Variants in DLG2 observed in about 807,000 individuals in gnomAD.
DLG2 encodes disks large homolog 2.
A neutral mutation model predicts 132.5 loss-of-function variants in DLG2; 45 were observed. That is an observed-to-expected ratio of 0.34 (90% CI 0.27 to 0.44). DLG2 has a LOEUF of 0.44. DLG2 is among the 20% of genes least tolerant of loss of function. The pLI, the probability that DLG2 is intolerant of heterozygous loss-of-function variation, is 1.00. For missense variants in DLG2, 1,045 were observed against 1,196.9 expected (o/e 0.87, Z 1.87); for synonymous variants, 424 against 419.6 (o/e 1.01, Z -0.13).
chr11:84,993,768 G>C (rs537649325), intron 6 of DLG2, among the ~76,000 whole-genome samples: 2 of 152,102 alleles, frequency 1.3e-5, no homozygotes, highest in East Asian at 3.9e-4. Context: ...AGCTAATCAG[G>C]GCCAAGTCCC....
At chr11:84,016,229 AT>A (rs1200882485) in intron 11 of DLG2, among the ~76,000 whole-genome samples, 1 of 151,430 alleles carries the variant, frequency 6.6e-6, no homozygotes, top group Non-Finnish European at 1.5e-5. Flanking sequence ...TAATGTGGTT[AT>A]TTTTTTCGTG....
intron 11 of DLG2, among the ~76,000 whole-genome samples, chr11:84,000,019 C>G (rs1320888558): frequency 6.7e-6 from 1 of 149,248 alleles, no homozygotes; most frequent in African/African-American, 2.5e-5. Context: ...TAACAGATCC[C>G]AAGCAAAAAG....
At chr11:83,841,390 TTCTA>T (rs1296061076) in intron 16 of DLG2, among the ~76,000 whole-genome samples, 1 of 152,214 alleles carries the variant, frequency 6.6e-6, no homozygotes, top group Non-Finnish European at 1.5e-5. Context: ...TGGAACAAAA[TTCTA>T]TCTCTCATTT....
At chr11:83,740,913 A>G (rs2092452073) in intron 18 of DLG2, among the ~76,000 whole-genome samples, 2 of 152,192 alleles carry the variant, frequency 1.3e-5, no homozygotes, top group South Asian at 4.1e-4. Flanking sequence ...TCAACAAAAT[A>G]CTAGCAAATC....
At chr11:85,207,816 T>A (rs2082002685) in intron 4 of DLG2, among the ~76,000 whole-genome samples, 1 of 151,980 alleles carries the variant, frequency 6.6e-6, no homozygotes, top group South Asian at 2.1e-4. Flanking sequence ...CCCACTCATC[T>A]ATCTCTCCAG....
At chr11:84,662,937 C>G (rs1361267313) in intron 6 of DLG2, among the ~76,000 whole-genome samples, 2 of 152,008 alleles carry the variant, frequency 1.3e-5, no homozygotes, top group African/African-American at 2.4e-5. Context: ...TCTGAGCCAG[C>G]CTACTCAGTT....
intron 7 of DLG2, among the ~76,000 whole-genome samples, chr11:84,515,033 G>T (rs2099268381): frequency 6.6e-6 from 1 of 151,482 alleles, no homozygotes; most frequent in African/African-American, 2.4e-5. Flanking sequence ...TAATTAGAAA[G>T]CAAAAACATG....
intron 18 of DLG2, among the ~76,000 whole-genome samples, chr11:83,725,703 G>A (rs1198577530): frequency 6.6e-6 from 1 of 152,168 alleles, no homozygotes; most frequent in Non-Finnish European, 1.5e-5. Flanking sequence ...AAACCAGGAC[G>A]ATTTAGATTC....
chr11:83,870,953 C>G (rs533636658), intron 16 of DLG2, among the ~76,000 whole-genome samples: 12 of 152,070 alleles, frequency 7.9e-5, no homozygotes, highest in Non-Finnish European at 1.5e-4. Flanking sequence ...AAAAGGTACC[C>G]CCTGGAGTTG....
intron 18 of DLG2, among the ~76,000 whole-genome samples, chr11:83,721,272 TACAG>T (rs1311277914): frequency 1.3e-5 from 2 of 152,192 alleles, no homozygotes; most frequent in African/African-American, 4.8e-5. Context: ...ATTGAGTAAC[TACAG>T]ACATTTTTTA....
chr11:84,268,640 T>G (rs1166442143), intron 7 of DLG2, among the ~76,000 whole-genome samples: 1 of 100,106 alleles, frequency 1.0e-5, no homozygotes, highest in African/African-American at 3.4e-5. Flanking sequence ...TTTTTGTATT[T>G]TTAGTAGAGA....
intron 21 of DLG2, among the ~76,000 whole-genome samples, chr11:83,524,580 G>T (rs957505359): frequency 2.0e-5 from 3 of 152,106 alleles, no homozygotes; most frequent in African/African-American, 7.2e-5. Flanking sequence ...TCACACCACA[G>T]CAAAATGATC....
chr11:84,799,957 T>G (rs2075165929), intron 6 of DLG2, among the ~76,000 whole-genome samples: 1 of 152,240 alleles, frequency 6.6e-6, no homozygotes, highest in South Asian at 2.1e-4. Context: ...TATGAGAAGC[T>G]CTTTCTCACA....
chr11:84,911,407 A>G (rs2154077578), intron 6 of DLG2, among the ~76,000 whole-genome samples: 1 of 151,918 alleles, frequency 6.6e-6, no homozygotes, highest in South Asian at 2.1e-4. Flanking sequence ...TTTAACCTGT[A>G]TTTATAAATT....
intron 6 of DLG2, among the ~76,000 whole-genome samples, chr11:84,969,025 C>T (rs1322512159): frequency 6.6e-6 from 1 of 150,440 alleles, no homozygotes; most frequent in East Asian, 2.0e-4. Flanking sequence ...AGCCTCTCTA[C>T]TTAAAGCCTA....
chr11:85,116,230 T>C (rs1487724221), intron 5 of DLG2, among the ~76,000 whole-genome samples: 1 of 152,012 alleles, frequency 6.6e-6, no homozygotes, highest in African/African-American at 2.4e-5. Context: ...ATTTGAAAAT[T>C]AATTTTATGA....
chr11:84,622,903 A>G (rs754783894), intron 6 of DLG2, among the ~76,000 whole-genome samples: 5 of 152,128 alleles, frequency 3.3e-5, no homozygotes, highest in Admixed American at 2.0e-4. Flanking sequence ...TTTCAAATCT[A>G]TGCTGGAGAT....
chr11:83,889,131 C>T (rs1053725433), intron 15 of DLG2, among the ~76,000 whole-genome samples: 6 of 152,080 alleles, frequency 3.9e-5, no homozygotes, highest in Non-Finnish European at 7.4e-5. Flanking sequence ...TAAAGAGCTT[C>T]TGCACAGCAA....
intron 6 of DLG2, among the ~76,000 whole-genome samples, chr11:84,809,923 T>G (rs986869662): frequency 1.3e-5 from 2 of 151,972 alleles, no homozygotes; most frequent in Non-Finnish European, 1.5e-5. Context: ...AGAAAAGACA[T>G]GCCCAATTGG....
Sources: allele counts gnomAD v4.1 joint callset (sites outside exome capture counted in the v4.1 genomes callset), GRCh38; gene constraint gnomAD v4.1.1; transcripts MANE v1.5; gene names NCBI Gene and HGNC (gene_info 2026-07-23, HGNC 2026-07-21).